Variants in LHFPL3 observed in about 807,000 individuals in gnomAD.
The protein encoded by LHFPL3 is LHFPL tetraspan subfamily member 3.
A neutral mutation model predicts 19.3 loss-of-function variants in LHFPL3; 5 were observed. That is an observed-to-expected ratio of 0.26 (90% confidence interval 0.14 to 0.54). LHFPL3 has a LOEUF of 0.54. Among genes scored for constraint, LHFPL3 ranks in the 20% least tolerant of loss-of-function variants. LHFPL3 has a pLI of 0.94. For missense variants in LHFPL3, 249 were observed against 307.4 expected (o/e 0.81, Z 1.42); for synonymous variants, 133 against 126.2 (o/e 1.05, Z -0.36).
intron 1 of LHFPL3, among the ~76,000 whole-genome samples, chr7:104,349,792 C>T (rs536800837): frequency 6.6e-6 from 1 of 152,358 alleles, no homozygotes; most frequent in African/African-American, 2.4e-5. Flanking sequence ...AGTTCCCTTA[C>T]ATTTACCCCA....
chr7:104,421,121 A>T lies in LHFPL3; in HGVS notation c.445+91897A>T, dbSNP rs577725971. ...TAAGGATAACTACGCAAAAGAGGAA[A>T]TACATACTCAATGAAGTAAGATCCT... On this transcript the variant is annotated intron_variant, in intron 1 of 2. Transcript: ENST00000424859. Among the ~76,000 whole-genome samples, 3 of 152,348 alleles carry T rather than the reference A, an allele frequency of 2.0e-5. No homozygotes were observed. The East Asian group carries it at 5.8e-4, about 29-fold the overall frequency.
intron 1 of LHFPL3, among the ~76,000 whole-genome samples, chr7:104,427,435 T>C (rs1791869020): frequency 6.6e-6 from 1 of 152,228 alleles, no homozygotes; most frequent in Non-Finnish European, 1.5e-5. Context: ...CAAATTATTC[T>C]ATTTAATTAT....
chr7:104,347,674 C>T (rs887513531), intron 1 of LHFPL3, among the ~76,000 whole-genome samples: 1 of 151,992 alleles, frequency 6.6e-6, no homozygotes, highest in African/African-American at 2.4e-5. Flanking sequence ...GGTGGATCAC[C>T]TGAGGTCAGA....
chr7:104,562,399 T>C (rs1441762700), intron 1 of LHFPL3, among the ~76,000 whole-genome samples: 1 of 152,228 alleles, frequency 6.6e-6, no homozygotes, highest in African/African-American at 2.4e-5. Flanking sequence ...TTCTTTTTTC[T>C]CTAGACTTCC....
intron 1 of LHFPL3, among the ~76,000 whole-genome samples, chr7:104,593,991 G>T (rs1790786968): frequency 6.6e-6 from 1 of 151,780 alleles, no homozygotes; most frequent in Non-Finnish European, 1.5e-5. Context: ...GTCTTATCCA[G>T]TTTGCCACTG....
chr7:104,745,073 G>A lies in LHFPL3; in HGVS notation c.682+8162G>A, dbSNP rs150983198. Among the ~76,000 whole-genome samples, 868 of 152,266 alleles carry A rather than the reference G, an allele frequency of 5.7e-3. 7 individuals carry two copies. The highest frequency in any genetic ancestry group is 0.019 in the African/African-American group (803 of 41,548). On this transcript the variant is annotated intron_variant, in intron 2 of 2. Coordinates refer to ENST00000424859, the MANE Select transcript of LHFPL3 (RefSeq NM_199000.3). ...ATATCTAATTAGCTTCTCAAACTTA[G>A]TATTTCCAAAACTGAGCTTCTGATA...
At chr7:104,604,868 C>G (rs551202148) in intron 1 of LHFPL3, among the ~76,000 whole-genome samples, 1 of 152,210 alleles carries the variant, frequency 6.6e-6, no homozygotes, top group Admixed American at 6.5e-5. Flanking sequence ...CAAGACTGCT[C>G]TACTGCCAGA....
chr7:104,405,435 C>G (rs2116501209), intron 1 of LHFPL3, among the ~76,000 whole-genome samples: 1 of 152,228 alleles, frequency 6.6e-6, no homozygotes, highest in South Asian at 2.1e-4. Context: ...TAAATAAATT[C>G]AGATATTCCT....
At chr7:104,376,885 T>C (rs150634335) in intron 1 of LHFPL3, among the ~76,000 whole-genome samples, 1 of 152,218 alleles carries the variant, frequency 6.6e-6, no homozygotes, top group East Asian at 1.9e-4. Flanking sequence ...TGGAAAGTTC[T>C]AGGAGTCTTG....
At chr7:104,655,919 T>A (rs907140269) in intron 1 of LHFPL3, among the ~76,000 whole-genome samples, 1 of 152,250 alleles carries the variant, frequency 6.6e-6, no homozygotes, top group African/African-American at 2.4e-5. Context: ...ACATTTTGTT[T>A]TTTTCAATGA....
chr7:104,674,504 G>T (rs58367957), intron 1 of LHFPL3, among the ~76,000 whole-genome samples: 12,957 of 151,944 alleles, frequency 0.085, 752 homozygotes, highest in Non-Finnish European at 0.12. Context: ...AAGTAGCTGG[G>T]ATTAGAGGTG....
intron 1 of LHFPL3, among the ~76,000 whole-genome samples, chr7:104,347,004 C>T (rs1200399495): frequency 6.7e-6 from 1 of 149,248 alleles, no homozygotes; most frequent in African/African-American, 2.5e-5. Flanking sequence ...AATTGTATGA[C>T]CTTGGACCAG....
intron 1 of LHFPL3, among the ~76,000 whole-genome samples, chr7:104,430,445 TATATATATA>T (rs1205150354): frequency 4.4e-5 from 1 of 22,928 alleles, no homozygotes; most frequent in Non-Finnish European, 7.4e-5. Context: ...TATATATATA[TATATATATA>T]TTTTTTTTTT....
intron 1 of LHFPL3, among the ~76,000 whole-genome samples, chr7:104,655,537 G>A (rs1792106427): frequency 6.6e-6 from 1 of 152,040 alleles, no homozygotes; most frequent in South Asian, 2.1e-4. Flanking sequence ...AAATCTAATT[G>A]GTTTTATTAT....
intron 1 of LHFPL3, among the ~76,000 whole-genome samples, chr7:104,566,317 C>T (rs1425864038): frequency 6.6e-6 from 1 of 152,126 alleles, no homozygotes; most frequent in Non-Finnish European, 1.5e-5. Flanking sequence ...CATCACTACA[C>T]TCCAGCCTGA....
At chr7:104,611,658 AG>A (rs1212674457) in intron 1 of LHFPL3, among the ~76,000 whole-genome samples, 1 of 152,198 alleles carries the variant, frequency 6.6e-6, no homozygotes, top group Non-Finnish European at 1.5e-5. Flanking sequence ...CTCATTTCCA[AG>A]GTTCAAATTA....
intron 1 of LHFPL3, among the ~76,000 whole-genome samples, chr7:104,452,921 G>A (rs1220908856): frequency 2.6e-5 from 4 of 152,196 alleles, no homozygotes; most frequent in Non-Finnish European, 2.9e-5. Flanking sequence ...TTACATTGGT[G>A]TCTGATGTCA....
rs1789921384 is a variant in LHFPL3 at position 104,786,689 on chromosome 7, G to GTGTGTGTGTGTGTGTGT, written c.682+49778_682+49779insTGTGTGTGTGTGTGTGT. 11 of 129,984 alleles carry GTGTGTGTGTGTGTGTGT rather than the reference G, an allele frequency of 8.5e-5. No homozygotes were observed. The East Asian group carries it at 4.8e-3, about 56-fold the overall frequency. 8.1% of individuals were successfully genotyped at this position (129,984 alleles called of 1,614,324 possible). ...TAAGACTACTACTGTGTGTGTGTGG[G>GTGTGTGTGTGTGTGTGT]GTGTGTGTGTGTGTGTGTGTGTGTG... On this transcript the variant is annotated intron_variant, in intron 2 of 2. Coordinates refer to ENST00000424859, the MANE Select transcript of LHFPL3 (RefSeq NM_199000.3).
intron 1 of LHFPL3, among the ~76,000 whole-genome samples, chr7:104,686,459 A>C (rs903606231): frequency 2.0e-5 from 3 of 152,184 alleles, no homozygotes; most frequent in Admixed American, 1.3e-4. Flanking sequence ...TATAGGACAA[A>C]ACCAGTGTTT....
Sources: gnomAD v4.1 joint callset for allele counts (sites outside exome capture counted in the v4.1 genomes callset) on GRCh38, gnomAD v4.1.1 for gene constraint, MANE v1.5 for transcripts, NCBI Gene and HGNC (gene_info 2026-07-23, HGNC 2026-07-21) for gene names.